SAXO1: variants seen among roughly 807,000 people sequenced by gnomAD.
The protein encoded by SAXO1 is stabilizer of axonemal microtubules 1.
A neutral mutation model predicts 17.5 loss-of-function variants in SAXO1; 21 were observed. That is an observed-to-expected ratio of 1.20 (90% CI 0.85 to 1.72). The LOEUF is 1.72. SAXO1 is among the 40% of genes most tolerant of loss of function. SAXO1 has a pLI of 0.00. For synonymous variants in SAXO1, 274 were observed against 216.5 expected (o/e 1.27, Z -2.33); for missense variants, 843 against 596.0 (o/e 1.41, Z -4.32).
intron 1 of SAXO1, among the ~76,000 whole-genome samples, chr9:18,969,557 G>A (rs1266997768): frequency 2.6e-5 from 4 of 152,182 alleles, no homozygotes; most frequent in Non-Finnish European, 5.9e-5. Flanking sequence ...GCACACTGTA[G>A]ATTACTTTTA....
chr9:19,015,585 C>G (rs1350578682), intron 1 of SAXO1, among the ~76,000 whole-genome samples: 1 of 151,722 alleles, frequency 6.6e-6, no homozygotes, highest in Admixed American at 6.6e-5. Context: ...CTCGAGTGAT[C>G]ACCCACTTCT....
chr9:18,970,283 A>T (rs147845060), intron 1 of SAXO1, among the ~76,000 whole-genome samples: 28 of 152,344 alleles, frequency 1.8e-4, no homozygotes, highest in African/African-American at 6.7e-4. Flanking sequence ...GCTGACATCA[A>T]CCACTCAACA....
intron 2 of SAXO1, among the ~76,000 whole-genome samples, chr9:18,949,755 G>C (rs1831952651): frequency 6.6e-6 from 1 of 152,288 alleles, no homozygotes; most frequent in South Asian, 2.1e-4. Flanking sequence ...GCTTCACCTA[G>C]ACCATCTGGG....
chr9:18,964,673 G>C (rs572114102), intron 1 of SAXO1, among the ~76,000 whole-genome samples: 3 of 152,220 alleles, frequency 2.0e-5, no homozygotes, highest in Admixed American at 2.0e-4. Flanking sequence ...AGTCTGGCTA[G>C]TGGTCTACTT....
chr9:18,966,259 G>A lies in SAXO1; in HGVS notation c.39-15322C>T, dbSNP rs766858681. ...GTGGAGTATCTTTCTGGTGTTCTCT[G>A]TATTTCCTGAATTTGAATGTTGGCC... is the stretch of plus-strand genomic sequence containing the variant. On this transcript the variant is annotated intron_variant, in intron 1 of 3. Coordinates refer to ENST00000380534, the MANE Select transcript of SAXO1 (RefSeq NM_153707.4). 4.6e-5 allele frequency among the ~76,000 whole-genome samples: 7 copies of A among 152,256 alleles called. No individual in the cohort carries two copies. In the South Asian group the frequency reaches 1.2e-3, roughly 27 times the overall value.
At chr9:18,970,696 C>G (rs143039147) in intron 1 of SAXO1, among the ~76,000 whole-genome samples, 2 of 152,290 alleles carry the variant, frequency 1.3e-5, no homozygotes, top group African/African-American at 4.8e-5. Flanking sequence ...ATTCCTGGAA[C>G]AGTTGCATTT....
intron 1 of SAXO1, among the ~76,000 whole-genome samples, chr9:19,011,511 T>G (rs1834729669): frequency 6.6e-6 from 1 of 152,226 alleles, no homozygotes; most frequent in African/African-American, 2.4e-5. Context: ...CATCCAAGTT[T>G]CTTGTGTGCC....
chr9:18,978,836 A>G (rs1298216247), intron 1 of SAXO1, among the ~76,000 whole-genome samples: 1 of 152,242 alleles, frequency 6.6e-6, no homozygotes, highest in African/African-American at 2.4e-5. Flanking sequence ...CATGTTGAGC[A>G]GACACCAAAA....
intron 1 of SAXO1, among the ~76,000 whole-genome samples, chr9:18,954,890 A>G (rs1170284281): frequency 6.7e-6 from 1 of 149,908 alleles, no homozygotes; most frequent in Non-Finnish European, 1.5e-5. Flanking sequence ...CTGCACTGGT[A>G]CACTGGTACA....
intron 1 of SAXO1, among the ~76,000 whole-genome samples, chr9:19,013,504 C>T (rs1025508044): frequency 7.3e-5 from 11 of 149,882 alleles, no homozygotes; most frequent in Non-Finnish European, 8.9e-5. Context: ...AATACTGTCA[C>T]GTCTTTTGGT....
intron 1 of SAXO1, chr9:19,026,956 CGGA>C (rs1353014595): frequency 2.3e-6 from 2 of 884,698 alleles, no homozygotes; most frequent in Admixed American, 1.7e-5. Flanking sequence ...AACATGTCCA[CGGA>C]GGAGATCATC....
At chr9:18,934,787 G>A (rs927538483) in intron 3 of SAXO1, among the ~76,000 whole-genome samples, 2 of 152,166 alleles carry the variant, frequency 1.3e-5, no homozygotes, top group South Asian at 4.1e-4. Context: ...CAGCAACTCT[G>A]GATTCTGATC....
At chr9:19,047,186 CAAAACA>C (rs1217584409) in intron 1 of SAXO1, among the ~76,000 whole-genome samples, 4 of 152,020 alleles carry the variant, frequency 2.6e-5, no homozygotes, top group Non-Finnish European at 5.9e-5. Flanking sequence ...GACTCCATCT[CAAAACA>C]AAAACAAAAA....
chr9:19,001,826 A>C (rs1461624178), intron 1 of SAXO1, among the ~76,000 whole-genome samples: 1 of 152,212 alleles, frequency 6.6e-6, no homozygotes, highest in African/African-American at 2.4e-5. Context: ...TAACATCACA[A>C]TTAAAAGAAC....
chr9:18,944,123 A>G (rs568383748), intron 2 of SAXO1, among the ~76,000 whole-genome samples: 1 of 152,180 alleles, frequency 6.6e-6, no homozygotes, highest in African/African-American at 2.4e-5. Flanking sequence ...CTTTTCCAGT[A>G]TAAAATTTAA....
intron 1 of SAXO1, among the ~76,000 whole-genome samples, chr9:19,020,248 T>C (rs1037822360): frequency 3.9e-5 from 6 of 152,292 alleles, no homozygotes; most frequent in African/African-American, 1.4e-4. Context: ...ATTATGACTA[T>C]GTGTAATTGA....
intron 1 of SAXO1, among the ~76,000 whole-genome samples, chr9:18,977,920 C>A (rs972429992): frequency 7.0e-6 from 1 of 142,732 alleles, no homozygotes; most frequent in Non-Finnish European, 1.5e-5. Flanking sequence ...CACTTGAACC[C>A]GGGAGGCGGA....
intron 1 of SAXO1, among the ~76,000 whole-genome samples, chr9:19,021,991 C>G (rs967360635): frequency 2.0e-5 from 3 of 152,226 alleles, no homozygotes; most frequent in Non-Finnish European, 4.4e-5. Flanking sequence ...TGGGTCGGGT[C>G]CCCTTCCCCA....
intron 1 of SAXO1, among the ~76,000 whole-genome samples, chr9:18,995,114 T>C (rs1386234158): frequency 6.6e-6 from 1 of 152,084 alleles, no homozygotes; most frequent in Non-Finnish European, 1.5e-5. Context: ...AAAAATAAAT[T>C]AACTAATAAA....
Sources: allele counts gnomAD v4.1 joint callset (sites outside exome capture counted in the v4.1 genomes callset), GRCh38; gene constraint gnomAD v4.1.1; transcripts MANE v1.5; gene names NCBI Gene and HGNC (gene_info 2026-07-23, HGNC 2026-07-21).